DAW1: variants seen among roughly 807,000 people sequenced by gnomAD.
DAW1 encodes the protein dynein assembly factor with WD repeat domains 1.
A neutral mutation model predicts 56.5 loss-of-function variants in DAW1; 47 were observed. The observed-to-expected ratio is 0.83, with a 90% CI of 0.66 to 1.06. DAW1 has a LOEUF of 1.06. Ranked by LOEUF, DAW1 falls within the 50% of genes least tolerant of loss-of-function variation. The pLI is 0.00. For synonymous variants in DAW1, 190 were observed against 179.0 expected, an observed-to-expected ratio of 1.06 and a Z score of -0.49; for missense variants, 505 against 499.3, an observed-to-expected ratio of 1.01 and a Z score of -0.11.
intron 12 of DAW1, among the ~76,000 whole-genome samples, chr2:227,922,297 G>C (rs916221652): frequency 6.6e-6 from 1 of 152,194 alleles, no homozygotes; most frequent in Admixed American, 6.5e-5. Flanking sequence ...CTAATGTCTG[G>C]GGGGAAAGAA....
At chr2:227,922,711 T>C (rs1692140965) in intron 12 of DAW1, among the ~76,000 whole-genome samples, 1 of 152,240 alleles carries the variant, frequency 6.6e-6, no homozygotes, top group African/African-American at 2.4e-5. Flanking sequence ...CCCAGTCTAC[T>C]TAATGATGGA....
intron 4 of DAW1, among the ~76,000 whole-genome samples, chr2:227,891,966 C>T (rs1383858841): frequency 6.6e-6 from 1 of 152,060 alleles, no homozygotes; most frequent in Admixed American, 6.6e-5. Flanking sequence ...GCTCCTGTAG[C>T]TTCTGGTGGT....
intron 12 of DAW1, 99 bp from the exon 13 acceptor site, chr2:227,923,835 G>A: frequency 6.9e-7 from 1 of 1,447,588 alleles, no homozygotes; most frequent in Admixed American, 1.9e-5. Flanking sequence ...TTAGCAAGTT[G>A]TTAATTACCA....
At chr2:227,901,582 A>G (rs1219265352) in intron 6 of DAW1, among the ~76,000 whole-genome samples, 1 of 152,150 alleles carries the variant, frequency 6.6e-6, no homozygotes, top group Non-Finnish European at 1.5e-5. Flanking sequence ...ATGATACAAA[A>G]AGAAAAAAGA....
At chr2:227,898,065 G>A in intron 5 of DAW1, 117 bp from the exon 6 acceptor site, 1 of 464,032 alleles carries the variant, frequency 2.2e-6, no homozygotes, top group Non-Finnish European at 3.4e-6. Flanking sequence ...ATTTAAGATT[G>A]CTTATAGCTT....
chr2:227,902,936 T>C, intron 6 of DAW1, 66 bp from the exon 7 acceptor site: 1 of 1,497,016 alleles, frequency 6.7e-7, no homozygotes, highest in Non-Finnish European at 9.2e-7. Flanking sequence ...CTGGAAGATT[T>C]TCTGTGTATA....
intron 10 of DAW1, among the ~76,000 whole-genome samples, chr2:227,908,183 T>C (rs1298464274): frequency 6.6e-6 from 1 of 152,226 alleles, no homozygotes; most frequent in Non-Finnish European, 1.5e-5. Context: ...CTAAGGATCA[T>C]GTTTATTTCT....
Position 227,871,647 on chromosome 2 carries a change from C to A in DAW1, c.-43C>A. The stretch of plus-strand genomic sequence containing the variant: ...CGTCCCGCTGCTGTTTAGCCGTTTC[C>A]AAGGCTACGAAGCCCATCGGCCGGG... On this transcript the variant is annotated 5_prime_UTR_variant, in exon 1 of 13. Transcript: ENST00000309931. 6.2e-7 allele frequency: 1 copy of A among 1,606,802 alleles called. No individual in the cohort carries two copies. Among genetic ancestry groups the A allele is most frequent in the Non-Finnish European group, 8.5e-7 (1 of 1,176,536 alleles).
At chr2:227,901,368 GC>G (rs1237634394) in intron 6 of DAW1, among the ~76,000 whole-genome samples, 2 of 152,148 alleles carry the variant, frequency 1.3e-5, no homozygotes, top group African/African-American at 4.8e-5. Context: ...CTGTGTGATA[GC>G]CAAACAGAGG....
intron 1 of DAW1, among the ~76,000 whole-genome samples, chr2:227,878,723 C>T (rs1362209073): frequency 6.6e-6 from 1 of 151,990 alleles, no homozygotes; most frequent in African/African-American, 2.4e-5. Flanking sequence ...GACTCTGTCT[C>T]TAACAAAATG....
chr2:227,908,410 T>C (rs544516654), intron 10 of DAW1, among the ~76,000 whole-genome samples: 1 of 152,336 alleles, frequency 6.6e-6, no homozygotes, highest in Non-Finnish European at 1.5e-5. Context: ...TGCTATATGA[T>C]GTTTTTATTA....
At chr2:227,901,029 A>G (rs1282318745) in intron 6 of DAW1, among the ~76,000 whole-genome samples, 1 of 152,202 alleles carries the variant, frequency 6.6e-6, no homozygotes, top group Non-Finnish European at 1.5e-5. Context: ...AGGAGATGGT[A>G]TGATCAGCTG....
chr2:227,896,525 C>T (rs900297943), intron 5 of DAW1, among the ~76,000 whole-genome samples: 22 of 151,830 alleles, frequency 1.4e-4, no homozygotes, highest in African/African-American at 5.3e-4. Flanking sequence ...CAGTGTTTCT[C>T]ATTGCACTTT....
chr2:227,895,863 C>T (rs115795381), intron 5 of DAW1, among the ~76,000 whole-genome samples: 186 of 152,206 alleles, frequency 1.2e-3, no homozygotes, highest in African/African-American at 4.3e-3. Context: ...TGAGAAGAAA[C>T]AAGACACAAG....
chr2:227,919,796 G>C (rs1169079347), intron 11 of DAW1, among the ~76,000 whole-genome samples: 1 of 152,150 alleles, frequency 6.6e-6, no homozygotes, highest in Non-Finnish European at 1.5e-5. Context: ...CAATCCCTTG[G>C]TTCCCTGTCT....
intron 2 of DAW1, chr2:227,889,459 C>T (rs1047607342): frequency 1.9e-5 from 3 of 154,182 alleles, no homozygotes; most frequent in African/African-American, 7.2e-5. Flanking sequence ...CAGAAGGGCT[C>T]CACCATTGTG....
chr2:227,888,453 T>C (rs1417758188), intron 2 of DAW1, among the ~76,000 whole-genome samples: 1 of 152,158 alleles, frequency 6.6e-6, no homozygotes, highest in African/African-American at 2.4e-5. Context: ...GACAACAGAA[T>C]CTCTGCCAAT....
intron 1 of DAW1, among the ~76,000 whole-genome samples, chr2:227,874,161 G>A (rs1690820465): frequency 6.6e-6 from 1 of 152,058 alleles, no homozygotes; most frequent in Non-Finnish European, 1.5e-5. Context: ...TCATCTCTTT[G>A]TTGTGGAGTG....
chr2:227,905,747 ATTAT>A (rs1188767032), intron 8 of DAW1, among the ~76,000 whole-genome samples: 5 of 152,208 alleles, frequency 3.3e-5, no homozygotes, highest in Admixed American at 2.0e-4. Flanking sequence ...TTGAAATGAA[ATTAT>A]TTATTTAGTT....
Sources: gnomAD v4.1 joint callset for allele counts (sites outside exome capture counted in the v4.1 genomes callset) on GRCh38, gnomAD v4.1.1 for gene constraint, MANE v1.5 for transcripts, NCBI Gene and HGNC (gene_info 2026-07-23, HGNC 2026-07-21) for gene names.